RAP1A: variants seen among roughly 807,000 people sequenced by gnomAD.
RAP1A encodes RAP1A, member of RAS oncogene family.
A neutral mutation model predicts 26.4 loss-of-function variants in RAP1A; 6 were observed. The observed-to-expected ratio is 0.23, with a 90% confidence interval of 0.12 to 0.45. RAP1A has a LOEUF of 0.45. Among genes scored for constraint, RAP1A ranks in the 20% least tolerant of loss-of-function variants. The probability of loss-of-function intolerance (pLI) is 0.99; values close to 1 mark genes in which losing one functional copy is unlikely to be tolerated. For synonymous variants in RAP1A, 73 were observed against 79.4 expected (o/e 0.92, Z 0.43); for missense variants, 121 against 217.2 (o/e 0.56, Z 2.78).
chr1:111,645,217 T>C (rs187689661), intron 1 of RAP1A, among the ~76,000 whole-genome samples: 32 of 152,346 alleles, frequency 2.1e-4, no homozygotes, highest in South Asian at 8.3e-4. Context: ...GTATGACTTA[T>C]AGGTTTTTAG....
In RAP1A at chr1:111,713,542, T is replaced by A. The variant is rs1662448307; in HGVS notation, c.*1141T>A. The A allele has an allele frequency of 6.6e-6, 1 of 152,184 alleles. No homozygotes were observed. Among genetic ancestry groups the A allele is most frequent in the Non-Finnish European group, 1.5e-5 (1 of 68,012 alleles). The allele number at this position is 152,184 out of a possible 1,614,324, so 9.4% of individuals were successfully genotyped here. A position where few individuals can be genotyped will look rare whatever the true frequency, so the allele number is the denominator to read the frequency against. Reference sequence around the variant, plus strand: ...TGGGTGTGAGTCCACCAATGAAGTGTTATGTGAAAAATTTCAAACTTGCTT... The same window carrying A: ...TGGGTGTGAGTCCACCAATGAAGTGATATGTGAAAAATTTCAAACTTGCTT... On this transcript the variant is annotated 3_prime_UTR_variant, in exon 8 of 8. Transcript: ENST00000369709.
At chr1:111,691,619 C>T (rs1166950958) in intron 2 of RAP1A, among the ~76,000 whole-genome samples, 2 of 152,136 alleles carry the variant, frequency 1.3e-5, no homozygotes, top group Non-Finnish European at 2.9e-5. Context: ...CTTATATTTA[C>T]CAAATATTTA....
At position 111,576,801 on chromosome 1, in the gene RAP1A, G is replaced by C. The variant is rs74109809; in HGVS notation, c.-28+34292G>C. 4.5e-3 allele frequency among the ~76,000 whole-genome samples: 687 copies of C among 152,340 alleles called. 1 individual carries two copies. The highest frequency in any genetic ancestry group is 0.02 in the Middle Eastern group (6 of 294). ...AAAGTCATTAACGAAGCTACTAGGA[G>C]GTAGGCCTCCACGTGGCCTGCAGCC... On this transcript the variant is annotated intron_variant, in intron 1 of 7. Coordinates refer to the RAP1A transcript ENST00000356415.
chr1:111,561,585 G>A (rs975118878), intron 1 of RAP1A, among the ~76,000 whole-genome samples: 1 of 152,162 alleles, frequency 6.6e-6, no homozygotes, highest in Admixed American at 6.5e-5. Context: ...AGGCCACATG[G>A]TCAGGTCAAA....
In RAP1A at chr1:111,637,631, A is replaced by G. The variant is rs184614246; in HGVS notation, c.-28+17697A>G. Among the ~76,000 whole-genome samples, 5 of 152,286 alleles carry G rather than the reference A, an allele frequency of 3.3e-5. No individual in the cohort carries two copies. The East Asian group carries it at 9.6e-4, about 29-fold the overall frequency. ...CATCTTTCTCAGTGATGTTCAATGC[A>G]TATATGCCTTTTCTTTGATGAAAAT... On this transcript the variant is annotated intron_variant, in intron 1 of 7. Coordinates refer to ENST00000369709, the MANE Select transcript of RAP1A (RefSeq NM_002884.4).
chr1:111,646,978 AT>A (rs1660090662), intron 1 of RAP1A, among the ~76,000 whole-genome samples: 1 of 152,192 alleles, frequency 6.6e-6, no homozygotes, highest in Non-Finnish European at 1.5e-5. Flanking sequence ...TTATTGTTAA[AT>A]TTGGGTAACT....
At position 111,678,994 on chromosome 1, in the gene RAP1A, C is replaced by T. The variant is rs74898414; in HGVS notation, c.-27-12340C>T. On this transcript the variant is annotated intron_variant, in intron 1 of 7. Transcript: ENST00000369709. ...AATAAAAAGAAAAACCATATACTAT[C>T]AGTAAATGCAGTAAAAGCATTTTGG... Among the ~76,000 whole-genome samples, 184 of 152,216 alleles carry T rather than the reference C, an allele frequency of 1.2e-3. 2 individuals carry two copies. In the East Asian group the frequency reaches 0.034, roughly 28 times the overall value.
chr1:111,564,057 G>T (rs1213769001), intron 1 of RAP1A: 2 of 820,264 alleles, frequency 2.4e-6, no homozygotes, highest in Non-Finnish European at 4.1e-6. Context: ...CCCTGTTTTG[G>T]GGGGTAGAGA....
intron 1 of RAP1A, among the ~76,000 whole-genome samples, chr1:111,640,551 T>C (rs1659860771): frequency 6.6e-6 from 1 of 152,234 alleles, no homozygotes; most frequent in South Asian, 2.1e-4. Flanking sequence ...AAGCTGTTTT[T>C]CAGGAAAGTA....
At chr1:111,676,212 C>T (rs1038255584) in intron 1 of RAP1A, among the ~76,000 whole-genome samples, 8 of 152,012 alleles carry the variant, frequency 5.3e-5, no homozygotes, top group Non-Finnish European at 1.2e-4. Flanking sequence ...AAAAATTAGC[C>T]AGGCATGGTG....
chr1:111,622,364 C>G (rs1193050905), intron 1 of RAP1A, among the ~76,000 whole-genome samples: 1 of 152,140 alleles, frequency 6.6e-6, no homozygotes, highest in Non-Finnish European at 1.5e-5. Flanking sequence ...TTTCCTCTTG[C>G]TTACTGTACT....
At chr1:111,634,736 C>T (rs540173366) in intron 1 of RAP1A, among the ~76,000 whole-genome samples, 26 of 151,330 alleles carry the variant, frequency 1.7e-4, no homozygotes, top group African/African-American at 6.3e-4. Flanking sequence ...CCTCCACCTC[C>T]TGGGTTCAAG....
intron 1 of RAP1A, among the ~76,000 whole-genome samples, chr1:111,687,948 T>C (rs543067504): frequency 1.4e-5 from 2 of 146,544 alleles, no homozygotes; most frequent in Admixed American, 7.0e-5. Flanking sequence ...GCCTAGGAGC[T>C]TGGGATCTTG....
intron 1 of RAP1A, among the ~76,000 whole-genome samples, chr1:111,647,302 G>C (rs952562962): frequency 6.6e-6 from 1 of 152,164 alleles, no homozygotes. Context: ...GGACTGTCTA[G>C]TTGCAGGAAA....
chr1:111,657,431 A>G (rs1414626219), intron 1 of RAP1A, among the ~76,000 whole-genome samples: 1 of 152,208 alleles, frequency 6.6e-6, no homozygotes, highest in East Asian at 1.9e-4. Context: ...TGAAATCTGA[A>G]GCACTTCTGT....
chr1:111,657,334 A>G (rs1660493476), intron 1 of RAP1A, among the ~76,000 whole-genome samples: 2 of 152,210 alleles, frequency 1.3e-5, no homozygotes, highest in South Asian at 4.1e-4. Flanking sequence ...GCTGTGTATG[A>G]AGTGTTTATG....
chr1:111,712,016 A>G (rs1344690950), intron 7 of RAP1A, among the ~76,000 whole-genome samples: 1 of 152,214 alleles, frequency 6.6e-6, no homozygotes, highest in Non-Finnish European at 1.5e-5. Flanking sequence ...TTGAATAAAG[A>G]ATATCTTATG....
At chr1:111,709,976 C>G (rs1305579880) in intron 7 of RAP1A, among the ~76,000 whole-genome samples, 2 of 152,136 alleles carry the variant, frequency 1.3e-5, no homozygotes, top group African/African-American at 4.8e-5. Flanking sequence ...TGCACATGTA[C>G]ATGCATTTCT....
intron 1 of RAP1A, among the ~76,000 whole-genome samples, chr1:111,669,399 C>A (rs995752874): frequency 6.6e-6 from 1 of 152,134 alleles, no homozygotes; most frequent in African/African-American, 2.4e-5. Flanking sequence ...CTAGATCATG[C>A]CTGTGAGAGG....
Sources: allele counts gnomAD v4.1 joint callset (sites outside exome capture counted in the v4.1 genomes callset), GRCh38; gene constraint gnomAD v4.1.1; transcripts MANE v1.5; gene names NCBI Gene and HGNC (gene_info 2026-07-23, HGNC 2026-07-21).